Variants in CELA2A observed in about 807,000 individuals in gnomAD.
The protein encoded by CELA2A is chymotrypsin-like elastase family member 2A.
Under a neutral mutation model 35.3 loss-of-function variants are expected in CELA2A, and 31 were observed. The ratio of observed to expected loss-of-function variants is 0.88; its 90% CI spans 0.66 to 1.19. CELA2A has a LOEUF of 1.19. CELA2A is among the 50% of genes most tolerant of loss of function. The probability of loss-of-function intolerance (pLI) is 0.00; values close to 1 mark genes in which losing one functional copy is unlikely to be tolerated. For missense variants in CELA2A, 330 were observed against 352.9 expected, an observed-to-expected ratio of 0.94 and a Z score of 0.52; for synonymous variants, 150 against 149.8, an observed-to-expected ratio of 1.00 and a Z score of -0.01.
chr1:15,463,432 G>T lies in CELA2A; in HGVS notation c.403G>T (p.Asp135Tyr). The change falls in exon 5 of 8, where the codon GAC becomes TAC. Residue 135 changes from aspartate to tyrosine, a missense_variant. Coordinates refer to ENST00000359621, the MANE Select transcript of CELA2A (RefSeq NM_033440.3). ...LKLANPVSLTDKIQLACLPPA... is the reference protein window; with the variant it reads ...LKLANPVSLTYKIQLACLPPA... ...ACTGGCTAACCCCGTCTCCCTCACC[G>T]ACAAGATCCAGCTGGCCTGCCTCCC... 6.2e-7 allele frequency: 1 copy of T among 1,613,890 alleles called. No individual in the cohort carries two copies. Among genetic ancestry groups the T allele is most frequent in the Non-Finnish European group, 8.5e-7 (1 of 1,179,880 alleles).
intron 4 of CELA2A, 107 bp from the exon 5 acceptor site, chr1:15,463,279 T>C: frequency 6.5e-7 from 1 of 1,545,746 alleles, no homozygotes; most frequent in South Asian, 1.2e-5. Flanking sequence ...CAGAGCAACC[T>C]GGGGTAACAG....
chr1:15,466,160 A>G lies in CELA2A; in HGVS notation c.639+16A>G. 1 of 1,613,002 alleles carries G rather than the reference A, an allele frequency of 6.2e-7. No individual in the cohort carries two copies. The highest frequency in any genetic ancestry group is 8.5e-7 in the Non-Finnish European group (1 of 1,179,162). The stretch of plus-strand genomic sequence containing the variant: ...CAGCTGCAACGTGAGTACCAAAATC[A>G]GGGGCTCCGCTCCATGACAAAATGT... On this transcript the variant is annotated intron_variant, in intron 6 of 7. Coordinates refer to ENST00000359621, the MANE Select transcript of CELA2A (RefSeq NM_033440.3).
At position 15,465,947 on chromosome 1, in the gene CELA2A, T is replaced by C. The variant is rs867358177; in HGVS notation, c.494-52T>C. On this transcript the variant is annotated intron_variant, in intron 5 of 7. Transcript: ENST00000359621. ...AACCTAAGACGGGTCCATCACTTCC[T>C]TTTTCTCAGGAGTCCCTGCATCCCT... 4 of 1,604,638 alleles carry C rather than the reference T, an allele frequency of 2.5e-6. No homozygotes were observed. In the Middle Eastern group the frequency reaches 5.5e-4, roughly 221 times the overall value.
intron 6 of CELA2A, 79 bp downstream of exon 6, chr1:15,466,223 G>A: frequency 6.7e-7 from 1 of 1,495,680 alleles, no homozygotes. Flanking sequence ...TCCCTCCATA[G>A]GTCCATCCTC....
In CELA2A at chr1:15,457,173, A is replaced by C. The variant is rs1170913293; in HGVS notation, c.128A>C (p.Gln43Pro). 1 of 1,614,070 alleles carries C rather than the reference A, an allele frequency of 6.2e-7. No individual in the cohort carries two copies. Among genetic ancestry groups the C allele is most frequent in the Non-Finnish European group, 8.5e-7 (1 of 1,179,944 alleles). ...GCGAGGCCCAACAGCTGGCCCTGGC[A>C]GGTGAGTTGACCACACTGTACTTCT... ...EEARPNSWPW[Q>P]VSLQYSSNGK... is the part of the protein sequence containing the mutation. The change falls in exon 2 of 8, where the codon CAG (glutamine) becomes CCG (proline). Residue 43 changes from glutamine to proline, a missense_variant and splice_region_variant. Transcript: ENST00000359621.
chr1:15,457,899 GT>G (rs1487526458), intron 2 of CELA2A, among the ~76,000 whole-genome samples: 1 of 152,150 alleles, frequency 6.6e-6, no homozygotes, highest in African/African-American at 2.4e-5. Flanking sequence ...TGAAAAAAAT[GT>G]TTTCTTAAGT....
chr1:15,462,705 C>T, intron 3 of CELA2A, 28 bp from the exon 4 acceptor site: 1 of 1,612,988 alleles, frequency 6.2e-7, no homozygotes, highest in Admixed American at 1.7e-5. Context: ...CTGGAGGTGA[C>T]CCTCTCCCTG....
Position 15,472,036 on chromosome 1 carries a change from A to G in CELA2A, c.*29A>G, listed in dbSNP as rs771885693. The G allele has an allele frequency of 2.7e-5, 43 of 1,613,752 alleles. No individual in the cohort carries two copies. Among genetic ancestry groups the G allele is most frequent in the African/African-American group, 1.3e-4 (10 of 74,906 alleles). On this transcript the variant is annotated 3_prime_UTR_variant, in exon 8 of 8. Transcript: ENST00000359621. ...AAAGAAGTCCCTGGGACTGTTTCAG[A>G]CTTGGAAAGGTCACAGAAGGAAAAT...
rs553308412 is a variant in CELA2A, at chr1:15,460,187, C to T, written c.130-1374C>T. Among the ~76,000 whole-genome samples the T allele has an allele frequency of 5.5e-4, 83 of 152,046 alleles. No individual in the cohort carries two copies. In the South Asian group the frequency reaches 5.6e-3, roughly 10 times the overall value. ...AAAGGCACTGGGTTAGCCCGGGGGG[C>T]GAATGAGGATTCAAATCTGGTTCAG... On this transcript the variant is annotated intron_variant, in intron 2 of 7. Transcript: ENST00000359621.
chr1:15,466,807 C>T (rs984005036), intron 6 of CELA2A, among the ~76,000 whole-genome samples: 3 of 152,128 alleles, frequency 2.0e-5, no homozygotes, highest in South Asian at 2.1e-4. Flanking sequence ...TCATCAATGG[C>T]GCAGCGTGTC....
chr1:15,459,324 G>A (rs1420241424), intron 2 of CELA2A, among the ~76,000 whole-genome samples: 1 of 134,922 alleles, frequency 7.4e-6, no homozygotes, highest in Non-Finnish European at 1.6e-5. Flanking sequence ...CCCCACACCC[G>A]GTTAAGTTTC....
intron 5 of CELA2A, 51 bp downstream of exon 5, chr1:15,463,573 A>G (rs1708470450): frequency 1.2e-6 from 2 of 1,611,758 alleles, no homozygotes; most frequent in Non-Finnish European, 1.7e-6. Context: ...GAGGTGATTC[A>G]CGTCACCCCT....
At chr1:15,456,866 C>G in intron 1 of CELA2A, 73 bp downstream of exon 1, 1 of 1,584,752 alleles carries the variant, frequency 6.3e-7, no homozygotes, top group Non-Finnish European at 8.7e-7. Flanking sequence ...TCCTGTCCTC[C>G]CCTCTCGCCC....
chr1:15,471,312 T>G (rs562175575), intron 7 of CELA2A, among the ~76,000 whole-genome samples: 2 of 152,164 alleles, frequency 1.3e-5, no homozygotes, highest in East Asian at 3.8e-4. Context: ...TTTGGGAAGC[T>G]GAGGCGAGTA....
At chr1:15,458,540 G>A (rs1425407277) in intron 2 of CELA2A, among the ~76,000 whole-genome samples, 1 of 152,154 alleles carries the variant, frequency 6.6e-6, no homozygotes. Flanking sequence ...CACTAGCCTT[G>A]AGCATTCAGA....
At position 15,456,753 on chromosome 1, in the gene CELA2A, C is replaced by T; in HGVS notation, c.-1C>T. On this transcript the variant is annotated 5_prime_UTR_variant, in exon 1 of 8. Coordinates refer to ENST00000359621, the MANE Select transcript of CELA2A (RefSeq NM_033440.3). ...GCTTACAGAACTCCCACGGACACACCATGATAAGGACGCTGCTGCTGTCCA... is the reference window on the plus strand; with the variant it reads ...GCTTACAGAACTCCCACGGACACACTATGATAAGGACGCTGCTGCTGTCCA... 1 of 1,614,198 alleles carries T rather than the reference C, an allele frequency of 6.2e-7. No individual in the cohort carries two copies. The highest frequency in any genetic ancestry group is 8.5e-7 in the Non-Finnish European group (1 of 1,180,026).
chr1:15,467,907 C>T (rs758110202), intron 7 of CELA2A, among the ~76,000 whole-genome samples: 4 of 151,788 alleles, frequency 2.6e-5, no homozygotes, highest in Non-Finnish European at 5.9e-5. Flanking sequence ...ACCAACCTGG[C>T]AAAACCCCAT....
chr1:15,462,107 G>A (rs939972319), intron 3 of CELA2A: 1 of 473,738 alleles, frequency 2.1e-6, no homozygotes, highest in South Asian at 1.5e-5. Context: ...CTGAATTATA[G>A]ATGAATTATA....
At chr1:15,462,703 G>T (rs201222086) in intron 3 of CELA2A, 30 bp from the exon 4 acceptor site, 2 of 1,613,082 alleles carry the variant, frequency 1.2e-6, no homozygotes, top group South Asian at 2.2e-5. Context: ...CTCTGGAGGT[G>T]ACCCTCTCCC....
Sources: allele counts gnomAD v4.1 joint callset (sites outside exome capture counted in the v4.1 genomes callset), GRCh38; gene constraint gnomAD v4.1.1; transcripts MANE v1.5; gene names NCBI Gene and HGNC (gene_info 2026-07-23, HGNC 2026-07-21).